LSM14A: variants seen among roughly 807,000 people sequenced by gnomAD.
LSM14A encodes LSM14A mRNA processing body assembly factor.
Under a neutral mutation model 52.4 loss-of-function variants are expected in LSM14A, and 14 were observed. The ratio of observed to expected loss-of-function variants is 0.27; its 90% CI spans 0.18 to 0.42. The LOEUF (loss-of-function observed/expected upper bound fraction) is 0.42, where lower values mean the gene tolerates loss of function less well. LSM14A is among the 10% of genes least tolerant of loss of function. LSM14A has a pLI of 1.00. For synonymous variants in LSM14A, 185 were observed against 200.3 expected, an observed-to-expected ratio of 0.92 and a Z score of 0.64; for missense variants, 417 against 581.8, an observed-to-expected ratio of 0.72 and a Z score of 2.91.
Position 34,219,691 on chromosome 19 carries a change from T to A in LSM14A, c.965-15T>A. The A allele has an allele frequency of 6.2e-7, 1 of 1,600,670 alleles. No individual in the cohort carries two copies. Among genetic ancestry groups the A allele is most frequent in the Non-Finnish European group, 8.5e-7 (1 of 1,175,604 alleles). ...TAGCTGTCTTGACTTTTCTGATATG[T>A]GCTTTTGTTCTTAGAAGATAAACTT... is the stretch of plus-strand genomic sequence containing the variant. On this transcript the variant is annotated splice_polypyrimidine_tract_variant and intron_variant, in intron 7 of 9. Transcript: ENST00000544216.
chr19:34,192,143 C>T (rs1243808178), intron 1 of LSM14A, among the ~76,000 whole-genome samples: 1 of 151,898 alleles, frequency 6.6e-6, no homozygotes, highest in Non-Finnish European at 1.5e-5. Flanking sequence ...GAGAACTTGT[C>T]ATGATTTTAG....
At chr19:34,181,202 A>G (rs1177124736) in intron 1 of LSM14A, among the ~76,000 whole-genome samples, 1 of 151,636 alleles carries the variant, frequency 6.6e-6, no homozygotes, top group South Asian at 2.1e-4. Flanking sequence ...GCAGTTCTCT[A>G]CTCTCCTCAG....
chr19:34,222,651 G>T (rs1424609022), intron 9 of LSM14A, among the ~76,000 whole-genome samples: 1 of 152,162 alleles, frequency 6.6e-6, no homozygotes, highest in African/African-American at 2.4e-5. Context: ...GATCTCTCTG[G>T]AAAGAGATCA....
intron 3 of LSM14A, among the ~76,000 whole-genome samples, chr19:34,202,443 A>G (rs1419260514): frequency 2.0e-5 from 3 of 151,506 alleles, no homozygotes; most frequent in Non-Finnish European, 4.4e-5. Flanking sequence ...CAATGAACCA[A>G]GAGCACGCCA....
At chr19:34,215,530 T>A in intron 5 of LSM14A, 66 bp from the exon 6 acceptor site, 1 of 1,353,784 alleles carries the variant, frequency 7.4e-7, no homozygotes, top group Non-Finnish European at 1.1e-6. Context: ...TTTGCATTTC[T>A]AACTATGGAA....
chr19:34,214,451 G>A (rs940338472), intron 4 of LSM14A, among the ~76,000 whole-genome samples: 1 of 151,932 alleles, frequency 6.6e-6, no homozygotes, highest in African/African-American at 2.4e-5. Context: ...TGGGAACACA[G>A]GCACGCGCCA....
At chr19:34,172,963 G>T (rs1202011861) in intron 1 of LSM14A, among the ~76,000 whole-genome samples, 200 bp downstream of exon 1, 1 of 152,198 alleles carries the variant, frequency 6.6e-6, no homozygotes, top group Non-Finnish European at 1.5e-5. Context: ...CCCCCGGAAT[G>T]TCCGCGCCTG....
intron 1 of LSM14A, 42 bp downstream of exon 1, chr19:34,172,805 C>T: frequency 1.3e-6 from 2 of 1,534,346 alleles, no homozygotes; most frequent in Non-Finnish European, 1.7e-6. Context: ...GAGCCGGGCG[C>T]CGCTCGGGGC....
At chr19:34,223,433 C>T (rs577836087) in intron 9 of LSM14A, among the ~76,000 whole-genome samples, 2 of 152,204 alleles carry the variant, frequency 1.3e-5, no homozygotes, top group South Asian at 2.1e-4. Context: ...GTTTCTGCAC[C>T]GCATCTCTAT....
intron 1 of LSM14A, among the ~76,000 whole-genome samples, chr19:34,177,715 C>G (rs561431873): frequency 6.7e-6 from 1 of 148,776 alleles, no homozygotes; most frequent in Non-Finnish European, 1.5e-5. Context: ...CAGGGAGACT[C>G]CATTTCTACA....
chr19:34,198,578 T>C (rs932416966), intron 3 of LSM14A, among the ~76,000 whole-genome samples: 7 of 152,106 alleles, frequency 4.6e-5, no homozygotes, highest in African/African-American at 1.7e-4. Context: ...ATCGTGCCAT[T>C]GCACTCCAGT....
chr19:34,182,519 T>C (rs1485541743), intron 1 of LSM14A, among the ~76,000 whole-genome samples: 1 of 152,020 alleles, frequency 6.6e-6, no homozygotes, highest in African/African-American at 2.4e-5. Flanking sequence ...TCTGAGTGTT[T>C]CTCTGTGGAC....
At chr19:34,183,151 C>T (rs573947591) in intron 1 of LSM14A, among the ~76,000 whole-genome samples, 1 of 152,254 alleles carries the variant, frequency 6.6e-6, no homozygotes, top group South Asian at 2.1e-4. Flanking sequence ...CTTAGAGAGT[C>T]AACATTAAAT....
At chr19:34,178,892 T>C (rs1930284) in intron 1 of LSM14A, among the ~76,000 whole-genome samples, 8,590 of 152,256 alleles carry the variant, frequency 0.056, 411 homozygotes, top group Admixed American at 0.16. Context: ...CAATTATAAT[T>C]TTCATTTAAA....
At chr19:34,211,798 A>G (rs532166256) in intron 4 of LSM14A, among the ~76,000 whole-genome samples, 3 of 152,172 alleles carry the variant, frequency 2.0e-5, no homozygotes, top group South Asian at 4.2e-4. Flanking sequence ...CCCCCCCAAA[A>G]AAAAAAGATG....
At chr19:34,203,904 T>TAAAA (rs199861783) in intron 3 of LSM14A, among the ~76,000 whole-genome samples, 1 of 126,088 alleles carries the variant, frequency 7.9e-6, no homozygotes. Context: ...AGACTGAATT[T>TAAAA]AAAAAAAAAA....
At chr19:34,217,486 C>G (rs1280514382) in intron 6 of LSM14A, among the ~76,000 whole-genome samples, 1 of 150,350 alleles carries the variant, frequency 6.7e-6, no homozygotes, top group Non-Finnish European at 1.5e-5. Flanking sequence ...AATGTATAAT[C>G]TACCTTATTT....
At position 34,224,396 on chromosome 19, in the gene LSM14A, A is replaced by T. The variant is rs574167345; in HGVS notation, c.1368+2658A>T. 2.6e-5 allele frequency among the ~76,000 whole-genome samples: 4 copies of T among 152,288 alleles called. No individual in the cohort carries two copies. In the East Asian group the frequency reaches 7.7e-4, roughly 29 times the overall value. On this transcript the variant is annotated intron_variant, in intron 9 of 9. Coordinates refer to ENST00000544216, the MANE Select transcript of LSM14A (RefSeq NM_015578.4). ...GTGCTCCATGTGGTTACTAATACAAACATTTTTTTGACACCATGTCACACT... is the reference window on the plus strand; with the variant it reads ...GTGCTCCATGTGGTTACTAATACAATCATTTTTTTGACACCATGTCACACT...
intron 6 of LSM14A, 139 bp downstream of exon 6, chr19:34,215,800 T>G (rs1360878344): frequency 1.6e-6 from 1 of 642,918 alleles, no homozygotes; most frequent in Non-Finnish European, 2.7e-6. Flanking sequence ...AGTGTCACTG[T>G]GGTGACAGAA....
Sources: allele counts gnomAD v4.1 joint callset (sites outside exome capture counted in the v4.1 genomes callset), GRCh38; gene constraint gnomAD v4.1.1; transcripts MANE v1.5; gene names NCBI Gene and HGNC (gene_info 2026-07-23, HGNC 2026-07-21).